The following XRCC5 variants were observed in gnomAD, a reference collection of about 807,000 sequenced individuals.
The protein encoded by XRCC5 is X-ray repair cross complementing 5.
A neutral mutation model predicts 95.7 loss-of-function variants in XRCC5; 12 were observed. The observed-to-expected ratio is 0.13, with a 90% confidence interval of 0.08 to 0.20. The LOEUF (loss-of-function observed/expected upper bound fraction) is 0.20, where lower values mean the gene tolerates loss of function less well. XRCC5 is among the 10% of genes least tolerant of loss of function. The pLI, the probability that XRCC5 is intolerant of heterozygous loss-of-function variation, is 1.00. For missense variants in XRCC5, 595 were observed against 873.9 expected (o/e 0.68, Z 4.02); for synonymous variants, 281 against 290.3 (o/e 0.97, Z 0.33).
At chr2:216,164,245 T>C (rs2106029125) in intron 16 of XRCC5, among the ~76,000 whole-genome samples, 1 of 152,348 alleles carries the variant, frequency 6.6e-6, no homozygotes. Context: ...GTCAATTACC[T>C]CAGCCAGTCA....
chr2:216,141,051 T>C, intron 12 of XRCC5, 135 bp from the exon 13 acceptor site: 1 of 973,744 alleles, frequency 1.0e-6, no homozygotes, highest in Non-Finnish European at 1.5e-6. Flanking sequence ...AATACGTGCA[T>C]AGCTAGAGAA....
rs1410008503 is a variant in XRCC5 at position 216,119,068 on chromosome 2, A to G, written c.394A>G (p.Ile132Val). Residue 132 changes from isoleucine to valine, a missense_variant, in exon 5 of 21, where the codon ATT becomes GTT. Ile to Val is a conservative substitution (Grantham distance 29, BLOSUM62 3). This residue lies in a region of XRCC5 where 286 missense variants were observed against 491.1 expected (regional missense o/e 0.58). Coordinates refer to ENST00000392132, the MANE Select transcript of XRCC5 (RefSeq NM_021141.4). ...AGGAAAGAAGTTTGAGAAGAGGCAT[A>G]TTGAAATATTCACTGACCTCAGCAG... ...TIGKKFEKRH[I>V]EIFTDLSSRF... 6.2e-7 allele frequency: 1 copy of G among 1,614,104 alleles called. No individual in the cohort carries two copies. The highest frequency in any genetic ancestry group is 8.5e-7 in the Non-Finnish European group (1 of 1,179,950).
chr2:216,161,541 T>G (rs1207114194), intron 15 of XRCC5, among the ~76,000 whole-genome samples: 2 of 152,220 alleles, frequency 1.3e-5, no homozygotes, highest in Non-Finnish European at 2.9e-5. Flanking sequence ...TAATGGGCAC[T>G]TCGGTGAATC....
chr2:216,167,079 T>TA (rs1272330225), intron 16 of XRCC5, among the ~76,000 whole-genome samples: 1 of 152,076 alleles, frequency 6.6e-6, no homozygotes, highest in African/African-American at 2.4e-5. Flanking sequence ...CTGACTGGTT[T>TA]AAAAAAAGTC....
rs777483989 is a variant in XRCC5, at chr2:216,109,419, C to A, written c.-18C>A. 1 of 1,613,904 alleles carries A rather than the reference C, an allele frequency of 6.2e-7. No homozygotes were observed. The highest frequency in any genetic ancestry group is 8.5e-7 in the Non-Finnish European group (1 of 1,179,906). On this transcript the variant is annotated 5_prime_UTR_variant, in exon 1 of 21. Coordinates refer to ENST00000392132, the MANE Select transcript of XRCC5 (RefSeq NM_021141.4). ...TCCCGCCCGGAAGAAGCGACCAAAGCGCCTGAGGACCGGCAACATGGTGCG... is the reference window on the plus strand; with the variant it reads ...TCCCGCCCGGAAGAAGCGACCAAAGAGCCTGAGGACCGGCAACATGGTGCG...
intron 8 of XRCC5, among the ~76,000 whole-genome samples, chr2:216,129,752 C>T (rs1696952167): frequency 6.6e-6 from 1 of 152,216 alleles, no homozygotes; most frequent in South Asian, 2.1e-4. Context: ...CAGCTCACTG[C>T]AACCTCCACC....
At chr2:216,111,138 A>T (rs994450628) in intron 1 of XRCC5, among the ~76,000 whole-genome samples, 2 of 152,190 alleles carry the variant, frequency 1.3e-5, no homozygotes, top group Non-Finnish European at 2.9e-5. Flanking sequence ...TATCCCTCGT[A>T]TGGAGTCGCA....
chr2:216,121,912 T>C, intron 5 of XRCC5, 150 bp from the exon 6 acceptor site: 1 of 671,444 alleles, frequency 1.5e-6, no homozygotes, highest in Non-Finnish European at 2.4e-6. Flanking sequence ...CACTTGAAAC[T>C]GGGAGAATAT....
intron 5 of XRCC5, among the ~76,000 whole-genome samples, chr2:216,119,576 G>A (rs1391890140): frequency 6.6e-6 from 1 of 151,996 alleles, no homozygotes; most frequent in African/African-American, 2.4e-5. Flanking sequence ...TATACAGAGT[G>A]CATGTTTTAG....
chr2:216,165,630 C>T (rs1232606052), intron 16 of XRCC5, among the ~76,000 whole-genome samples: 2 of 152,288 alleles, frequency 1.3e-5, no homozygotes, highest in African/African-American at 4.8e-5. Context: ...AGAGTTCTCC[C>T]TCCCTAGTAG....
chr2:216,179,055 C>T (rs544778204), intron 16 of XRCC5, among the ~76,000 whole-genome samples: 26 of 152,270 alleles, frequency 1.7e-4, no homozygotes, highest in African/African-American at 5.1e-4. Flanking sequence ...AATGGAGTTC[C>T]ACAAACTGAG....
intron 10 of XRCC5, among the ~76,000 whole-genome samples, chr2:216,133,557 A>G (rs1403368560): frequency 1.3e-5 from 2 of 152,260 alleles, no homozygotes; most frequent in Non-Finnish European, 2.9e-5. Flanking sequence ...CTGGGTATGC[A>G]GTGAGGAATC....
chr2:216,152,438 TAAAAAA>T (rs5838570), intron 14 of XRCC5, among the ~76,000 whole-genome samples: 6,861 of 147,762 alleles, frequency 0.046, 467 homozygotes, highest in African/African-American at 0.16. Context: ...GAGACTGTCT[TAAAAAA>T]AAAAGAGAGA....
intron 1 of XRCC5, among the ~76,000 whole-genome samples, chr2:216,109,989 C>T (rs898121276): frequency 6.6e-6 from 1 of 152,106 alleles, no homozygotes; most frequent in Non-Finnish European, 1.5e-5. Flanking sequence ...TATTGAAAGC[C>T]CACTCTGTGA....
chr2:216,156,343 A>G, intron 14 of XRCC5: 2 of 687,882 alleles, frequency 2.9e-6, no homozygotes, highest in Non-Finnish European at 5.5e-6. Context: ...CCTTTCTGAA[A>G]CAGTCTCTTC....
intron 13 of XRCC5, among the ~76,000 whole-genome samples, chr2:216,145,195 C>T (rs1385518910): frequency 2.0e-5 from 3 of 152,050 alleles, no homozygotes; most frequent in Non-Finnish European, 4.4e-5. Flanking sequence ...AGAGAGGACA[C>T]AGTAATCTAT....
At chr2:216,199,002 G>A (rs1199226745) in intron 19 of XRCC5, among the ~76,000 whole-genome samples, 1 of 152,200 alleles carries the variant, frequency 6.6e-6, no homozygotes, top group Non-Finnish European at 1.5e-5. Context: ...GAAGAGACAT[G>A]CTTTAGCTAT....
intron 13 of XRCC5, among the ~76,000 whole-genome samples, chr2:216,141,553 TTTTTTTTTTTTTTC>T (rs1439898630): frequency 0.025 from 2,054 of 82,892 alleles, 110 homozygotes; most frequent in African/African-American, 0.066. Context: ...TTTTTTTTTT[TTTTTTTTTTTTTTC>T]CTGGAAGAAG....
chr2:216,121,592 C>T (rs780453273), intron 5 of XRCC5, among the ~76,000 whole-genome samples: 5 of 152,258 alleles, frequency 3.3e-5, no homozygotes, highest in South Asian at 2.1e-4. Context: ...TTTATGAGTT[C>T]CCCACCCTCA....
Sources: allele counts gnomAD v4.1 joint callset (sites outside exome capture counted in the v4.1 genomes callset), GRCh38; gene constraint gnomAD v4.1.1; regional missense constraint gnomAD v4.1.1; transcripts MANE v1.5; gene names NCBI Gene and HGNC (gene_info 2026-07-23, HGNC 2026-07-21).